Variants in ITGBL1 observed in about 807,000 individuals in gnomAD.
The protein encoded by ITGBL1 is integrin beta-like protein 1.
A neutral mutation model predicts 68.5 loss-of-function variants in ITGBL1; 51 were observed. The observed-to-expected ratio is 0.74, with a 90% CI of 0.59 to 0.94. The LOEUF is 0.94. ITGBL1 is among the 40% of genes least tolerant of loss of function. The pLI is 0.00. For missense variants in ITGBL1, 649 were observed against 647.4 expected (o/e 1.00, Z -0.03); for synonymous variants, 209 against 227.3 (o/e 0.92, Z 0.72).
chr13:101,539,574 G>A (rs1286450674), intron 2 of ITGBL1, among the ~76,000 whole-genome samples: 5 of 151,834 alleles, frequency 3.3e-5, no homozygotes, highest in Admixed American at 2.0e-4. Context: ...CCCAGTAATG[G>A]GATTGCTGGG....
chr13:101,542,502 T>C (rs143273716), intron 2 of ITGBL1, among the ~76,000 whole-genome samples: 105,884 of 151,986 alleles, frequency 0.7, 36,918 homozygotes, highest in Middle Eastern at 0.78. Context: ...GGAATAAGTG[T>C]GGTGTGGTGC....
intron 4 of ITGBL1, among the ~76,000 whole-genome samples, chr13:101,578,199 T>C (rs1273242445): frequency 6.6e-6 from 1 of 152,156 alleles, no homozygotes; most frequent in Non-Finnish European, 1.5e-5. Flanking sequence ...CTATTAATGT[T>C]CTTGCCATTG....
chr13:101,501,648 C>T (rs904695703), intron 2 of ITGBL1, among the ~76,000 whole-genome samples: 2 of 152,108 alleles, frequency 1.3e-5, no homozygotes, highest in African/African-American at 4.8e-5. Context: ...CCTTAAACTC[C>T]CTCACCACTC....
At chr13:101,605,798 A>G (rs1037702079) in intron 7 of ITGBL1, among the ~76,000 whole-genome samples, 29 of 87,058 alleles carry the variant, frequency 3.3e-4, no homozygotes, top group African/African-American at 1.1e-3. Flanking sequence ...GCGTATATGT[A>G]CTCGTGTGTA....
rs777802852 is a variant in ITGBL1 at position 101,521,331 on chromosome 13, CAAT to C, written c.317-46365_317-46363del. 2.0e-5 allele frequency among the ~76,000 whole-genome samples: 3 copies of C among 152,056 alleles called. No individual in the cohort carries two copies. In the East Asian group the frequency reaches 5.8e-4, roughly 29 times the overall value. On this transcript the variant is annotated intron_variant, in intron 2 of 10. Transcript: ENST00000376180. ...CTTTCATTGTAATATGGGAAACAGACAATAAGTGAGAAAATAAGTAAAAAATAA... is the reference window on the plus strand; with the variant it reads ...CTTTCATTGTAATATGGGAAACAGACAAGTGAGAAAATAAGTAAAAAATAA...
At chr13:101,541,263 AGGGTT>A (rs2139186209) in intron 2 of ITGBL1, among the ~76,000 whole-genome samples, 2 of 151,832 alleles carry the variant, frequency 1.3e-5, no homozygotes, top group East Asian at 3.9e-4. Flanking sequence ...TTTAGCATGA[AGGGTT>A]GTTGAATTTT....
intron 2 of ITGBL1, among the ~76,000 whole-genome samples, chr13:101,488,427 G>A (rs1363436217): frequency 6.6e-6 from 1 of 152,092 alleles, no homozygotes; most frequent in African/African-American, 2.4e-5. Context: ...GCTTTCCCAC[G>A]TTCACTGCTT....
chr13:101,669,492 T>C (rs2033305126), intron 7 of ITGBL1, among the ~76,000 whole-genome samples: 1 of 152,156 alleles, frequency 6.6e-6, no homozygotes, highest in Admixed American at 6.5e-5. Context: ...AAGGAATTTG[T>C]GTGCAATCAA....
intron 2 of ITGBL1, among the ~76,000 whole-genome samples, chr13:101,519,941 A>G (rs1188278657): frequency 6.6e-6 from 1 of 152,182 alleles, no homozygotes; most frequent in African/African-American, 2.4e-5. Flanking sequence ...ATGTAGTAAT[A>G]TATTTCCTGT....
At chr13:101,658,668 T>C (rs1242841313) in intron 7 of ITGBL1, among the ~76,000 whole-genome samples, 2 of 152,102 alleles carry the variant, frequency 1.3e-5, no homozygotes, top group Non-Finnish European at 2.9e-5. Flanking sequence ...AAATATGTAG[T>C]GGATGGGAAT....
intron 7 of ITGBL1, among the ~76,000 whole-genome samples, chr13:101,607,324 C>T: frequency 6.6e-6 from 1 of 152,016 alleles, no homozygotes; most frequent in East Asian, 1.9e-4. Flanking sequence ...TCTCTGACTC[C>T]AAGGTTGTTG....
intron 8 of ITGBL1, among the ~76,000 whole-genome samples, chr13:101,694,640 T>A (rs2033962438): frequency 6.6e-6 from 1 of 152,122 alleles, no homozygotes; most frequent in Non-Finnish European, 1.5e-5. Context: ...CAGATTGATC[T>A]TGAACTCCTG....
At position 101,598,142 on chromosome 13, in the gene ITGBL1, T is replaced by C; in HGVS notation, c.869-11T>C. ...TGTACATTTTTATTTTTTGCCACTC[T>C]CACTGTGAAGGTCATGGACAGTGTA... On this transcript the variant is annotated splice_polypyrimidine_tract_variant and intron_variant, in intron 6 of 10. Transcript: ENST00000376180. 6.3e-7 allele frequency: 1 copy of C among 1,584,486 alleles called. No homozygotes were observed. Among genetic ancestry groups the C allele is most frequent in the Non-Finnish European group, 8.5e-7 (1 of 1,169,654 alleles).
intron 2 of ITGBL1, among the ~76,000 whole-genome samples, chr13:101,482,430 A>G (rs567530719): frequency 6.6e-6 from 1 of 152,108 alleles, no homozygotes; most frequent in Admixed American, 6.5e-5. Flanking sequence ...TAAATTTGTC[A>G]ATAATAAAAT....
At chr13:101,712,848 C>T (rs752048246) in intron 9 of ITGBL1, 1 of 152,178 alleles carries the variant, frequency 6.6e-6, no homozygotes, top group Non-Finnish European at 1.5e-5. Context: ...AAATTCCTCA[C>T]CTTGATGAGA....
At chr13:101,478,483 A>G (rs2048569337) in intron 2 of ITGBL1, among the ~76,000 whole-genome samples, 2 of 152,116 alleles carry the variant, frequency 1.3e-5, no homozygotes, top group South Asian at 4.1e-4. Flanking sequence ...TCCTAGTCAG[A>G]CAATCAGATA....
chr13:101,658,069 CAAACTT>C (rs1431539370), intron 7 of ITGBL1, among the ~76,000 whole-genome samples: 1 of 152,198 alleles, frequency 6.6e-6, no homozygotes, highest in African/African-American at 2.4e-5. Flanking sequence ...GCCAATTAAT[CAAACTT>C]AAAGTAAATT....
chr13:101,522,965 A>G (rs1223621505), intron 2 of ITGBL1, among the ~76,000 whole-genome samples: 3 of 152,200 alleles, frequency 2.0e-5, no homozygotes, highest in African/African-American at 7.2e-5. Context: ...ATGGACAGAC[A>G]TCTCAAAATG....
At chr13:101,545,806 G>C (rs1303413317) in intron 2 of ITGBL1, among the ~76,000 whole-genome samples, 1 of 152,212 alleles carries the variant, frequency 6.6e-6, no homozygotes, top group Non-Finnish European at 1.5e-5. Flanking sequence ...GGAGAAGGCA[G>C]AGCAAAGCAG....
Sources: gnomAD v4.1 joint callset for allele counts (sites outside exome capture counted in the v4.1 genomes callset) on GRCh38, gnomAD v4.1.1 for gene constraint, MANE v1.5 for transcripts, NCBI Gene and HGNC (gene_info 2026-07-23, HGNC 2026-07-21) for gene names.